Variants in TRAPPC3L observed in about 807,000 individuals in gnomAD.
The protein encoded by TRAPPC3L is trafficking protein particle complex subunit 3L.
In TRAPPC3L, 23 loss-of-function variants were observed where a neutral mutation model predicts 23.7. The ratio of observed to expected loss-of-function variants is 0.97; its 90% CI spans 0.70 to 1.37. TRAPPC3L has a LOEUF of 1.37. TRAPPC3L is among the 40% of genes most tolerant of loss of function. The pLI is 0.00. For missense variants in TRAPPC3L, 212 were observed against 216.8 expected (o/e 0.98, Z 0.14); for synonymous variants, 81 against 77.9 (o/e 1.04, Z -0.21).
At chr6:116,500,306 T>C (rs1282481303) in intron 4 of TRAPPC3L, among the ~76,000 whole-genome samples, 175 bp downstream of exon 4, 3 of 152,260 alleles carry the variant, frequency 2.0e-5, no homozygotes, top group African/African-American at 7.2e-5. Context: ...CCTCAGAAAC[T>C]GTGTGAGATA....
chr6:116,540,345 A>G lies in TRAPPC3L; in HGVS notation c.240+18T>C, dbSNP rs1462437086. 2 of 1,545,890 alleles carry G rather than the reference A, an allele frequency of 1.3e-6. No homozygotes were observed. The highest frequency in any genetic ancestry group is 3.9e-5 in the Admixed American group (2 of 50,682). ...GAGATTTTTCAAAACATATTGACAG[A>G]GATAAAAACATAGTTACCTGGGCAA... On this transcript the variant is annotated intron_variant, in intron 3 of 4. Transcript: ENST00000368602.
At chr6:116,542,586 T>C (rs1773530875) in intron 2 of TRAPPC3L, among the ~76,000 whole-genome samples, 2 of 152,064 alleles carry the variant, frequency 1.3e-5, no homozygotes, top group Admixed American at 1.3e-4. Flanking sequence ...TCAAAAACCA[T>C]TGACAGATGT....
intron 2 of TRAPPC3L, 123 bp from the exon 3 acceptor site, chr6:116,540,585 G>A: frequency 1.0e-6 from 1 of 955,562 alleles, no homozygotes; most frequent in South Asian, 1.6e-5. Flanking sequence ...AACCAAATAT[G>A]ACGAGTCAAA....
At chr6:116,501,779 G>A (rs987981143) in intron 3 of TRAPPC3L, among the ~76,000 whole-genome samples, 1 of 152,218 alleles carries the variant, frequency 6.6e-6, no homozygotes. Context: ...TGCAGCTGAG[G>A]TGCCTGTCTG....
At chr6:116,544,909 G>A (rs1016965183) in intron 1 of TRAPPC3L, among the ~76,000 whole-genome samples, 3 of 152,072 alleles carry the variant, frequency 2.0e-5, no homozygotes, top group Non-Finnish European at 4.4e-5. Flanking sequence ...AAAACTATAA[G>A]AGAGTATTAA....
At chr6:116,498,140 T>C (rs962286110) in intron 4 of TRAPPC3L, among the ~76,000 whole-genome samples, 1 of 152,230 alleles carries the variant, frequency 6.6e-6, no homozygotes, top group Non-Finnish European at 1.5e-5. Flanking sequence ...AGGGAGACAA[T>C]GTTGAAGCTA....
intron 3 of TRAPPC3L, among the ~76,000 whole-genome samples, chr6:116,532,379 G>A (rs1772793219): frequency 6.6e-6 from 1 of 152,174 alleles, no homozygotes; most frequent in Admixed American, 6.5e-5. Context: ...GGGAATTACA[G>A]GCGTGAGCCA....
At position 116,496,507 on chromosome 6, in the gene TRAPPC3L, T is replaced by A. The variant is rs1771835107; in HGVS notation, c.*447A>T. 6.6e-6 allele frequency: 1 copy of A among 152,344 alleles called. No individual in the cohort carries two copies. Among genetic ancestry groups the A allele is most frequent in the South Asian group, 2.1e-4 (1 of 4,830 alleles). The allele number at this position is 152,344 out of a possible 1,614,324, so 9.4% of individuals were successfully genotyped here. On this transcript the variant is annotated 3_prime_UTR_variant, in exon 5 of 5. Coordinates refer to ENST00000368602, the MANE Select transcript of TRAPPC3L (RefSeq NM_001139444.3). ...ATTTTTTTAGAAATATGGAATTATT[T>A]ATTTAAGGAATGCAATATACAGTAT...
In TRAPPC3L at chr6:116,543,377, G is replaced by T. The variant is rs1250498413; in HGVS notation, c.66C>A (p.Thr22=). 9.0e-6 allele frequency: 14 copies of T among 1,549,706 alleles called. No individual in the cohort carries two copies. Among genetic ancestry groups the T allele is most frequent in the African/African-American group, 1.4e-5 (1 of 73,068 alleles). ...ACAGCTGGGCAACCAGAGCTCCATAGGTAAGGACAAAGAGATCTTTATTCT... is the reference window on the plus strand; with the variant it reads ...ACAGCTGGGCAACCAGAGCTCCATATGTAAGGACAAAGAGATCTTTATTCT... The part of the protein sequence containing the change: ...HKINKDLFVL[T]YGALVAQLCK... Residue 22 remains threonine (T), a synonymous_variant, in exon 2 of 5, where the codon ACC becomes ACA. Transcript: ENST00000368602.
At chr6:116,540,908 C>T (rs939616936) in intron 2 of TRAPPC3L, among the ~76,000 whole-genome samples, 1 of 152,020 alleles carries the variant, frequency 6.6e-6, no homozygotes, top group African/African-American at 2.4e-5. Flanking sequence ...GAAGGGCAGG[C>T]ATTTCCAGGA....
chr6:116,540,462 C>T lies in TRAPPC3L; in HGVS notation c.141G>A (p.Met47Ile), dbSNP rs955228104. The T allele has an allele frequency of 1.9e-6, 3 of 1,550,872 alleles. No homozygotes were observed. The African/African-American group carries it at 4.1e-5, about 21-fold the overall frequency. The change falls in exon 3 of 5, where the codon ATG (methionine) becomes ATA (isoleucine). Residue 47 changes from methionine (M) to isoleucine (I), a missense_variant and splice_region_variant. By Grantham distance (10) the Met-to-Ile change is conservative. Coordinates refer to ENST00000368602, the MANE Select transcript of TRAPPC3L (RefSeq NM_001139444.3). ...DEDVNQYLDK[M>I]GYGIGTRLVE... ...CAAGCCGCGTTCCAATGCCGTAACC[C>T]CTGTGGATGACGGAAAGAGTGTGGT...
At chr6:116,498,569 C>T (rs981699978) in intron 4 of TRAPPC3L, among the ~76,000 whole-genome samples, 1 of 152,200 alleles carries the variant, frequency 6.6e-6, no homozygotes, top group African/African-American at 2.4e-5. Context: ...GAAAATGAGA[C>T]TTTGTTGACT....
intron 3 of TRAPPC3L, among the ~76,000 whole-genome samples, chr6:116,527,476 C>T (rs1374883721): frequency 7.2e-6 from 1 of 139,402 alleles, no homozygotes; most frequent in Non-Finnish European, 1.5e-5. Context: ...CATCGAGCCA[C>T]TGCACTCAAG....
chr6:116,505,316 G>A (rs1771984218), intron 3 of TRAPPC3L, among the ~76,000 whole-genome samples: 1 of 152,180 alleles, frequency 6.6e-6, no homozygotes, highest in Non-Finnish European at 1.5e-5. Context: ...TACAAGGGAT[G>A]TGAAGGACCT....
At chr6:116,501,156 A>G (rs1318242268) in intron 3 of TRAPPC3L, among the ~76,000 whole-genome samples, 1 of 152,230 alleles carries the variant, frequency 6.6e-6, no homozygotes, top group Non-Finnish European at 1.5e-5. Flanking sequence ...CTTTTCTCAC[A>G]GTCTTCGCAT....
At chr6:116,516,657 AC>A (rs1772230768) in intron 3 of TRAPPC3L, 6 of 123,324 alleles carry the variant, frequency 4.9e-5, no homozygotes, top group Non-Finnish European at 9.9e-5. Context: ...AATAGTAGTA[AC>A]AAATATATAT....
chr6:116,527,912 T>C (rs770546853), intron 3 of TRAPPC3L, among the ~76,000 whole-genome samples: 26 of 152,242 alleles, frequency 1.7e-4, no homozygotes, highest in Non-Finnish European at 3.1e-4. Context: ...TGTATACCTA[T>C]GTAAGAAGCC....
intron 3 of TRAPPC3L, chr6:116,523,660 T>C (rs1381690617): frequency 1.3e-5 from 2 of 152,240 alleles, no homozygotes; most frequent in African/African-American, 4.8e-5. Context: ...AGATGCTACG[T>C]GCCTTATGAT....
intron 3 of TRAPPC3L, among the ~76,000 whole-genome samples, chr6:116,526,974 C>A (rs1283121002): frequency 1.3e-5 from 2 of 152,110 alleles, no homozygotes; most frequent in South Asian, 4.1e-4. Flanking sequence ...ATTGCTCTGA[C>A]CTTCCTGCTG....
Sources: allele counts gnomAD v4.1 joint callset (sites outside exome capture counted in the v4.1 genomes callset), GRCh38; gene constraint gnomAD v4.1.1; transcripts MANE v1.5; gene names NCBI Gene and HGNC (gene_info 2026-07-23, HGNC 2026-07-21).